CALN1: variants seen among roughly 807,000 people sequenced by gnomAD.
CALN1 encodes calneuron 1.
CALN1 carries 17 observed loss-of-function variants against 30.6 expected under a neutral mutation model. The ratio of observed to expected loss-of-function variants is 0.56; its 90% CI spans 0.38 to 0.83. The LOEUF (loss-of-function observed/expected upper bound fraction) is 0.83. Among genes scored for constraint, CALN1 ranks in the 40% least tolerant of loss-of-function variants. The pLI is 0.00. For missense variants in CALN1, 291 were observed against 354.9 expected, an observed-to-expected ratio of 0.82 and a Z score of 1.45; for synonymous variants, 156 against 131.4, an observed-to-expected ratio of 1.19 and a Z score of -1.28.
intron 4 of CALN1, among the ~76,000 whole-genome samples, chr7:72,051,940 C>T (rs1463830930): frequency 1.3e-5 from 2 of 152,174 alleles, no homozygotes; most frequent in South Asian, 2.1e-4. Flanking sequence ...TATTCTCCTA[C>T]ACCAGAGGAA....
At chr7:72,141,354 C>T (rs550543613) in intron 3 of CALN1, among the ~76,000 whole-genome samples, 164 of 152,174 alleles carry the variant, frequency 1.1e-3, no homozygotes, top group Admixed American at 2.4e-3. Flanking sequence ...AATCCTAGCA[C>T]TTTGGGAGGC....
At chr7:72,034,948 T>C (rs570402482) in intron 4 of CALN1, among the ~76,000 whole-genome samples, 5 of 151,962 alleles carry the variant, frequency 3.3e-5, no homozygotes, top group African/African-American at 4.8e-5. Flanking sequence ...AAGGAGAATA[T>C]ATAGTCTGAT....
chr7:71,788,641 T>C (rs1470183138), intron 6 of CALN1, among the ~76,000 whole-genome samples: 1 of 151,372 alleles, frequency 6.6e-6, no homozygotes, highest in South Asian at 2.1e-4. Context: ...ACTACAAGTG[T>C]GTGCCACCGT....
rs1789187447 is a variant in CALN1 at position 72,174,402 on chromosome 7, GAAACATATGTCCACA to G, written c.245-68123_245-68109del. Among the ~76,000 whole-genome samples, 3 of 152,164 alleles carry G rather than the reference GAAACATATGTCCACA, an allele frequency of 2.0e-5. No individual in the cohort carries two copies. The South Asian group carries it at 6.2e-4, about 32-fold the overall frequency. On this transcript the variant is annotated intron_variant, in intron 3 of 6. Transcript: ENST00000395275. ...CTTAGCTATTTACCCAAGAGAAATG[GAAACATATGTCCACA>G]GGAAGATTTGTATAAAAACATTCAA...
chr7:72,055,765 G>A (rs1416615249), intron 4 of CALN1, among the ~76,000 whole-genome samples: 3 of 152,106 alleles, frequency 2.0e-5, no homozygotes, highest in South Asian at 2.1e-4. Context: ...TAATGCTAAC[G>A]CTCTGGGGGG....
At chr7:72,148,113 ACAAC>A (rs398040319) in intron 3 of CALN1, among the ~76,000 whole-genome samples, 13 of 149,408 alleles carry the variant, frequency 8.7e-5, no homozygotes, top group South Asian at 2.2e-4. Context: ...AAAAAAAAAA[ACAAC>A]CAACCAACCA....
chr7:72,500,314 T>C, the CALN1 span, among the ~76,000 whole-genome samples: 1 of 111,206 alleles, frequency 9.0e-6, no homozygotes. Flanking sequence ...ACAGTCTCAC[T>C]CCGTCGCCCA....
rs148651129 is a variant in CALN1, at chr7:72,420,110, G to A, written c.-225-7835C>T. On this transcript the variant is annotated intron_variant, in intron 1 of 6. Coordinates refer to the CALN1 transcript ENST00000395276. ...CCACAGTCTGCAGGCTGAGTGAAAT[G>A]AGCCACTTCAGTTCCTGCCCACGAA... is the stretch of plus-strand genomic sequence containing the variant. Among the ~76,000 whole-genome samples the A allele has an allele frequency of 3.9e-4, 59 of 152,286 alleles. No homozygotes were observed. In the East Asian group the frequency reaches 7.5e-3, roughly 19 times the overall value.
chr7:72,215,809 C>A (rs1792757547), intron 3 of CALN1, among the ~76,000 whole-genome samples: 1 of 152,072 alleles, frequency 6.6e-6, no homozygotes, highest in Non-Finnish European at 1.5e-5. Context: ...CAGTGTTGAG[C>A]CACAGCCACG....
At chr7:72,054,448 CATATAT>C (rs760013013) in intron 4 of CALN1, among the ~76,000 whole-genome samples, 1 of 102,258 alleles carries the variant, frequency 9.8e-6, no homozygotes. Context: ...TATATATATA[CATATAT>C]ATACATATAT....
In CALN1 at chr7:71,784,608, C is replaced by T. The variant is rs1792890108; in HGVS notation, c.*3167G>A. On this transcript the variant is annotated 3_prime_UTR_variant, in exon 7 of 7. Transcript: ENST00000395275. ...TTCCCCTTCTCTCCCAAGGAAAATG[C>T]CTTCTTGCTCATCACTTGTGCTTTC... 2 of 387,014 alleles carry T rather than the reference C, an allele frequency of 5.2e-6. No individual in the cohort carries two copies. The highest frequency in any genetic ancestry group is 4.6e-6 in the Non-Finnish European group (1 of 219,334). 24.0% of individuals were successfully genotyped at this position (387,014 alleles called of 1,614,324 possible).
chr7:72,235,263 G>GA (rs1794397906), intron 3 of CALN1, among the ~76,000 whole-genome samples: 1 of 151,584 alleles, frequency 6.6e-6, no homozygotes, highest in Admixed American at 6.6e-5. Context: ...GACACAGTGA[G>GA]ACTCTGTCTC....
chr7:71,798,235 T>C (rs888247640), intron 6 of CALN1, among the ~76,000 whole-genome samples: 2 of 150,006 alleles, frequency 1.3e-5, no homozygotes, highest in Admixed American at 6.6e-5. Context: ...ACTTCCCCCA[T>C]TATTTGAGCC....
At chr7:71,800,019 G>A (rs1057105239) in intron 6 of CALN1, among the ~76,000 whole-genome samples, 1 of 152,170 alleles carries the variant, frequency 6.6e-6, no homozygotes, top group African/African-American at 2.4e-5. Context: ...ATGACATATT[G>A]TGCCCTTTTT....
chr7:71,971,405 G>A (rs538395731), intron 5 of CALN1, among the ~76,000 whole-genome samples: 2 of 152,262 alleles, frequency 1.3e-5, no homozygotes, highest in African/African-American at 2.4e-5. Flanking sequence ...AGCTGAGATC[G>A]TGCCACTGCA....
Position 72,018,888 on chromosome 7 carries a change from G to A in CALN1, c.501+4769C>T, listed in dbSNP as rs183544302. Reference sequence around the variant, plus strand: ...GTCTTGCTCTGTCACCCAGGCTGGAGTGCAGTGGCTCGATCTCAGCTCACT... The same window carrying A: ...GTCTTGCTCTGTCACCCAGGCTGGAATGCAGTGGCTCGATCTCAGCTCACT... On this transcript the variant is annotated intron_variant, in intron 5 of 6. Transcript: ENST00000395275. Among the ~76,000 whole-genome samples the A allele has an allele frequency of 6.1e-3, 931 of 152,108 alleles. 12 individuals carry two copies. Among genetic ancestry groups the A allele is most frequent in the African/African-American group, 0.022 (895 of 41,532 alleles).
chr7:72,059,417 C>T (rs1803494457), intron 4 of CALN1, among the ~76,000 whole-genome samples: 1 of 151,906 alleles, frequency 6.6e-6, no homozygotes, highest in Non-Finnish European at 1.5e-5. Flanking sequence ...ATCCCTCATA[C>T]TTAGGAACTC....
chr7:72,043,413 G>T (rs1372708322), intron 4 of CALN1, among the ~76,000 whole-genome samples: 1 of 151,948 alleles, frequency 6.6e-6, no homozygotes, highest in African/African-American at 2.4e-5. Context: ...AATAAAAATA[G>T]AAAAAAATGC....
At chr7:71,932,668 T>A (rs1442291093) in intron 5 of CALN1, among the ~76,000 whole-genome samples, 1 of 150,692 alleles carries the variant, frequency 6.6e-6, no homozygotes, top group Non-Finnish European at 1.5e-5. Context: ...AAAAAAAAAA[T>A]TAGCTGGGCG....
Sources: allele counts gnomAD v4.1 joint callset (sites outside exome capture counted in the v4.1 genomes callset), GRCh38; gene constraint gnomAD v4.1.1; transcripts MANE v1.5; gene names NCBI Gene and HGNC (gene_info 2026-07-23, HGNC 2026-07-21).